NEGR1: variants seen among roughly 807,000 people sequenced by gnomAD.
NEGR1 encodes the protein IgLON family member 4.
A neutral mutation model predicts 40.9 loss-of-function variants in NEGR1; 10 were observed. The ratio of observed to expected loss-of-function variants is 0.24; its 90% CI spans 0.15 to 0.42. NEGR1 has a LOEUF of 0.42. Ranked by LOEUF, NEGR1 falls within the 10% of genes least tolerant of loss-of-function variation. The pLI, the probability that NEGR1 is intolerant of heterozygous loss-of-function variation, is 1.00. For missense variants in NEGR1, 352 were observed against 438.9 expected (o/e 0.80, Z 1.77); for synonymous variants, 185 against 166.8 (o/e 1.11, Z -0.84).
chr1:72,035,985 C>A (rs1646898436), intron 1 of NEGR1, among the ~76,000 whole-genome samples: 2 of 152,244 alleles, frequency 1.3e-5, no homozygotes, highest in Admixed American at 1.3e-4. Context: ...CAGATAGAGA[C>A]ATTTAGAAAT....
intron 1 of NEGR1, among the ~76,000 whole-genome samples, chr1:72,077,206 T>G (rs759712544): frequency 6.6e-5 from 10 of 152,200 alleles, no homozygotes; most frequent in Admixed American, 1.3e-4. Flanking sequence ...CATTTATCTA[T>G]TTTTATGTTA....
chr1:72,150,767 A>G (rs924676330), intron 1 of NEGR1, among the ~76,000 whole-genome samples: 1 of 152,146 alleles, frequency 6.6e-6, no homozygotes, highest in Non-Finnish European at 1.5e-5. Flanking sequence ...AGTCTATAAT[A>G]TGAGATTCCA....
At chr1:72,100,590 C>T (rs898650357) in intron 1 of NEGR1, among the ~76,000 whole-genome samples, 4 of 152,108 alleles carry the variant, frequency 2.6e-5, no homozygotes, top group African/African-American at 9.7e-5. Context: ...AGTAATGTGG[C>T]ATAGTTTTCA....
chr1:72,041,231 T>C (rs571184160), intron 1 of NEGR1, among the ~76,000 whole-genome samples: 1 of 152,148 alleles, frequency 6.6e-6, no homozygotes, highest in East Asian at 1.9e-4. Flanking sequence ...GTCCTAATCA[T>C]TTGTCCTTTG....
chr1:72,063,113 T>C (rs1375854900), intron 1 of NEGR1, among the ~76,000 whole-genome samples: 1 of 151,994 alleles, frequency 6.6e-6, no homozygotes, highest in Non-Finnish European at 1.5e-5. Context: ...AGTCCCAGTT[T>C]ATTTCTGAAA....
intron 6 of NEGR1, among the ~76,000 whole-genome samples, chr1:71,532,554 T>C (rs1015804427): frequency 4.0e-5 from 6 of 151,666 alleles, no homozygotes; most frequent in African/African-American, 1.5e-4. Flanking sequence ...AAAAGCCTTG[T>C]AAACTCTCTA....
chr1:71,926,700 A>C (rs1364315339), intron 2 of NEGR1, among the ~76,000 whole-genome samples: 1 of 151,822 alleles, frequency 6.6e-6, no homozygotes, highest in African/African-American at 2.4e-5. Flanking sequence ...AAGTAACAAC[A>C]AATTGAAAAT....
chr1:71,528,979 A>G (rs1647281291), intron 6 of NEGR1, among the ~76,000 whole-genome samples: 1 of 151,210 alleles, frequency 6.6e-6, no homozygotes. Context: ...TTTTAGGTAT[A>G]GATGAATCGT....
At chr1:71,809,790 T>A (rs1439078457) in intron 2 of NEGR1, among the ~76,000 whole-genome samples, 1 of 152,086 alleles carries the variant, frequency 6.6e-6, no homozygotes, top group Non-Finnish European at 1.5e-5. Flanking sequence ...ATTCACATGC[T>A]CAACATTCTA....
chr1:72,166,863 T>C (rs1182123395), intron 1 of NEGR1, among the ~76,000 whole-genome samples: 1 of 152,078 alleles, frequency 6.6e-6, no homozygotes, highest in Non-Finnish European at 1.5e-5. Flanking sequence ...GTAGTATTTG[T>C]GTATATATAT....
At chr1:72,036,112 AC>A (rs1646899837) in intron 1 of NEGR1, among the ~76,000 whole-genome samples, 1 of 152,218 alleles carries the variant, frequency 6.6e-6, no homozygotes, top group Non-Finnish European at 1.5e-5. Flanking sequence ...CCTACAATTC[AC>A]AGTTTTTAGA....
intron 6 of NEGR1, among the ~76,000 whole-genome samples, chr1:71,440,100 A>G (rs2101310660): frequency 6.6e-6 from 1 of 152,270 alleles, no homozygotes; most frequent in South Asian, 2.1e-4. Context: ...TTTATCTTTG[A>G]CTACCACAAT....
intron 6 of NEGR1, among the ~76,000 whole-genome samples, chr1:71,427,781 A>C (rs1188714982): frequency 6.6e-6 from 1 of 152,214 alleles, no homozygotes; most frequent in East Asian, 1.9e-4. Flanking sequence ...AAAATAACAC[A>C]ATATTCCATT....
intron 1 of NEGR1, among the ~76,000 whole-genome samples, chr1:72,026,098 G>A (rs1212153630): frequency 2.0e-5 from 2 of 97,886 alleles, no homozygotes; most frequent in South Asian, 3.9e-4. Context: ...GCGACAGAGC[G>A]AGACTCCGTC....
chr1:72,150,465 G>T (rs1651078892), intron 1 of NEGR1, among the ~76,000 whole-genome samples: 1 of 152,174 alleles, frequency 6.6e-6, no homozygotes, highest in Non-Finnish European at 1.5e-5. Flanking sequence ...TATTTCTGAT[G>T]ACTCTTTGAT....
intron 1 of NEGR1, among the ~76,000 whole-genome samples, chr1:71,959,170 C>T (rs957211095): frequency 5.3e-5 from 8 of 152,118 alleles, no homozygotes; most frequent in African/African-American, 1.7e-4. Context: ...ACTCTTCCAT[C>T]ATCACTTATG....
At chr1:71,954,403 A>G (rs1646099502) in intron 1 of NEGR1, among the ~76,000 whole-genome samples, 1 of 152,010 alleles carries the variant, frequency 6.6e-6, no homozygotes. Flanking sequence ...TTATTAAAAA[A>G]AAGTTTAGGA....
intron 1 of NEGR1, among the ~76,000 whole-genome samples, chr1:72,183,736 A>G (rs1462289903): frequency 6.6e-6 from 1 of 152,144 alleles, no homozygotes; most frequent in Non-Finnish European, 1.5e-5. Context: ...TATTACCTTC[A>G]GTACAATTTG....
chr1:71,879,466 GA>G (rs1446119175), intron 2 of NEGR1, among the ~76,000 whole-genome samples: 5 of 152,160 alleles, frequency 3.3e-5, no homozygotes, highest in African/African-American at 1.2e-4. Flanking sequence ...TACTTTTAGG[GA>G]GGCAAATCAA....
Sources: allele counts gnomAD v4.1 joint callset (sites outside exome capture counted in the v4.1 genomes callset), GRCh38; gene constraint gnomAD v4.1.1; transcripts MANE v1.5; gene names NCBI Gene and HGNC (gene_info 2026-07-23, HGNC 2026-07-21).